Variants in P2RY12 observed in about 807,000 individuals in gnomAD.
P2RY12 encodes P2Y purinoceptor 12.
Under a neutral mutation model 4.5 loss-of-function variants are expected in P2RY12, and 3 were observed. That is an observed-to-expected ratio of 0.67 (90% CI 0.31 to 1.74). P2RY12 has a LOEUF of 1.74. Ranked by LOEUF, P2RY12 falls within the 40% of genes most tolerant of loss-of-function variation. The pLI is 0.09. For missense variants in P2RY12, 356 were observed against 407.8 expected, an observed-to-expected ratio of 0.87 and a Z score of 1.09; for synonymous variants, 148 against 154.1, an observed-to-expected ratio of 0.96 and a Z score of 0.29.
intron 1 of P2RY12, among the ~76,000 whole-genome samples, chr3:151,346,724 C>G (rs1752593377): frequency 6.6e-6 from 1 of 152,078 alleles, no homozygotes; most frequent in Non-Finnish European, 1.5e-5. Flanking sequence ...CTCTCTTAGC[C>G]CTTCTTCCCT....
chr3:151,374,793 G>A (rs952705669), intron 1 of P2RY12, among the ~76,000 whole-genome samples: 3 of 151,916 alleles, frequency 2.0e-5, no homozygotes, highest in Non-Finnish European at 4.4e-5. Flanking sequence ...CTATAGAATA[G>A]CTTACTTTCA....
intron 1 of P2RY12, among the ~76,000 whole-genome samples, chr3:151,368,680 A>ATTTTC (rs1371561271): frequency 2.2e-5 from 1 of 45,324 alleles, no homozygotes; most frequent in African/African-American, 1.1e-4. Context: ...ATTTCATGTC[A>ATTTTC]TTTCATTTTA....
In P2RY12 at chr3:151,336,968, A is replaced by AT. The variant is rs57858373; in HGVS notation, c.*848dup. On this transcript the variant is annotated 3_prime_UTR_variant, in exon 3 of 3. Transcript: ENST00000302632. ...GCAACTTTGTAATCATATTTAATTA[A>AT]TTTTTTTCACTAAGGTAAAATGTTC... 60,765 of 152,106 alleles carry AT rather than the reference A, an allele frequency of 0.4. 12,461 individuals are homozygous for AT. The highest frequency in any genetic ancestry group is 0.48 in the African/African-American group (19,938 of 41,398). The allele number at this position is 152,106 out of a possible 1,614,324, so 9.4% of individuals were successfully genotyped here.
At position 151,368,704 on chromosome 3, in the gene P2RY12, C is replaced by T. The variant is rs142410833; in HGVS notation, c.-180+15988G>A. Among the ~76,000 whole-genome samples the T allele has an allele frequency of 9.2e-3, 324 of 35,408 alleles. 1 individual carries two copies. The highest frequency in any genetic ancestry group is 0.027 in the Middle Eastern group (2 of 74). 23.2% of individuals were successfully genotyped at this position (35,408 alleles called of 152,430 possible). ...CATTTCATTTTATTTCATTTCATTT[C>T]ATTTCATTTCATTTCATTTCATTTC... On this transcript the variant is annotated intron_variant, in intron 1 of 2. Transcript: ENST00000302632.
chr3:151,380,234 A>G, intron 1 of P2RY12: 1 of 1,507,580 alleles, frequency 6.6e-7, no homozygotes, highest in Non-Finnish European at 9.1e-7. Context: ...GGTAAAGTAT[A>G]GTATAATATT....
chr3:151,342,252 T>C (rs982358024), intron 1 of P2RY12, among the ~76,000 whole-genome samples: 2 of 152,198 alleles, frequency 1.3e-5, no homozygotes, highest in African/African-American at 2.4e-5. Context: ...CTGCTTTAAC[T>C]TTATGTAAAT....
chr3:151,368,813 G>A (rs1218888822), intron 1 of P2RY12, among the ~76,000 whole-genome samples: 2 of 147,770 alleles, frequency 1.4e-5, no homozygotes, highest in Non-Finnish European at 3.0e-5. Context: ...CCAGGCTGGA[G>A]TACAGTGGTG....
intron 1 of P2RY12, among the ~76,000 whole-genome samples, chr3:151,354,746 A>G (rs1753702885): frequency 6.6e-6 from 1 of 152,358 alleles, no homozygotes; most frequent in East Asian, 1.9e-4. Context: ...TTTAGAACAC[A>G]TTAAAATTAC....
intron 1 of P2RY12, among the ~76,000 whole-genome samples, chr3:151,354,808 G>T (rs1276482884): frequency 1.3e-5 from 2 of 152,180 alleles, no homozygotes; most frequent in Non-Finnish European, 2.9e-5. Context: ...CAAGATGCCA[G>T]ATGTGGAAAG....
At chr3:151,378,321 GT>G (rs936451424) in intron 1 of P2RY12, 2 of 820,972 alleles carry the variant, frequency 2.4e-6, no homozygotes, top group Non-Finnish European at 1.7e-6. Context: ...AGGCAAGGCT[GT>G]CTTATTCCTA....
At chr3:151,376,189 G>C (rs759814649) in intron 1 of P2RY12, 1 of 1,594,836 alleles carries the variant, frequency 6.3e-7, no homozygotes, top group Non-Finnish European at 8.5e-7. Context: ...AATCTGCAAA[G>C]ACAGCACATT....
intron 1 of P2RY12, among the ~76,000 whole-genome samples, chr3:151,346,505 T>A (rs1220127990): frequency 6.6e-6 from 1 of 152,190 alleles, no homozygotes; most frequent in Non-Finnish European, 1.5e-5. Context: ...TTAGAGAAAC[T>A]TCTTCTCCTT....
intron 1 of P2RY12, chr3:151,368,016 C>T: frequency 2.4e-6 from 2 of 830,850 alleles, no homozygotes; most frequent in South Asian, 1.9e-5. Context: ...AGAAAAATAG[C>T]CAGGGCCTTA....
chr3:151,356,988 A>G (rs543682503), intron 1 of P2RY12, among the ~76,000 whole-genome samples: 28 of 152,316 alleles, frequency 1.8e-4, no homozygotes, highest in African/African-American at 6.3e-4. Flanking sequence ...CTGAAGTTTC[A>G]GTACCTTATT....
At chr3:151,376,168 C>T (rs769743820) in intron 1 of P2RY12, 9 of 1,605,704 alleles carry the variant, frequency 5.6e-6, no homozygotes, top group Non-Finnish European at 7.6e-6. Context: ...AAAGAATGTA[C>T]CGAGGGGGAC....
intron 1 of P2RY12, among the ~76,000 whole-genome samples, chr3:151,344,195 T>C (rs1347133671): frequency 6.6e-6 from 1 of 152,114 alleles, no homozygotes; most frequent in Non-Finnish European, 1.5e-5. Context: ...TCAGTCATAC[T>C]GTGGACTATA....
chr3:151,360,673 A>G, intron 1 of P2RY12: 1 of 1,394,942 alleles, frequency 7.2e-7, no homozygotes, highest in South Asian at 1.3e-5. Flanking sequence ...CCCTGACAAT[A>G]TTGTCATCCT....
At chr3:151,384,232 C>A in intron 1 of P2RY12, 2 of 1,599,758 alleles carry the variant, frequency 1.3e-6, no homozygotes, top group Non-Finnish European at 1.7e-6. Flanking sequence ...AGTTTGAGAT[C>A]AGCCTGTATT....
chr3:151,359,910 C>A (rs1032700244), intron 1 of P2RY12, among the ~76,000 whole-genome samples: 3 of 152,044 alleles, frequency 2.0e-5, no homozygotes, highest in Admixed American at 6.6e-5. Flanking sequence ...TATTACAAAA[C>A]AGAAGGGGCT....
Sources: allele counts gnomAD v4.1 joint callset (sites outside exome capture counted in the v4.1 genomes callset), GRCh38; gene constraint gnomAD v4.1.1; transcripts MANE v1.5; gene names NCBI Gene and HGNC (gene_info 2026-07-23, HGNC 2026-07-21).